Variants in PARD3 observed in about 807,000 individuals in gnomAD.
PARD3 encodes the protein par-3 family cell polarity regulator.
Under a neutral mutation model 155.4 loss-of-function variants are expected in PARD3, and 75 were observed. That is an observed-to-expected ratio of 0.48 (90% CI 0.40 to 0.58). The LOEUF is 0.58. PARD3 is among the 20% of genes least tolerant of loss of function. The pLI is 0.00. For missense variants in PARD3, 1,642 were observed against 1,721.7 expected (o/e 0.95, Z 0.82); for synonymous variants, 576 against 610.5 (o/e 0.94, Z 0.83).
intron 2 of PARD3, among the ~76,000 whole-genome samples, chr10:34,652,369 A>G (rs985799408): frequency 3.9e-5 from 6 of 152,178 alleles, no homozygotes; most frequent in Non-Finnish European, 1.5e-5. Context: ...GCTTTCACAT[A>G]TGGGTGTGAT....
At chr10:34,708,925 T>C (rs1009887768) in intron 1 of PARD3, among the ~76,000 whole-genome samples, 6 of 152,184 alleles carry the variant, frequency 3.9e-5, no homozygotes, top group African/African-American at 1.4e-4. Context: ...GCTTTGTGGA[T>C]ATTTAAGGAA....
intron 19 of PARD3, among the ~76,000 whole-genome samples, chr10:34,318,791 A>T (rs1023711657): frequency 1.4e-4 from 21 of 152,168 alleles, no homozygotes; most frequent in African/African-American, 5.1e-4. Context: ...TTTGAGGCTG[A>T]GTCTCGCTCT....
At chr10:34,580,576 A>G (rs2087350346) in intron 2 of PARD3, among the ~76,000 whole-genome samples, 1 of 152,146 alleles carries the variant, frequency 6.6e-6, no homozygotes, top group Non-Finnish European at 1.5e-5. Context: ...ATTGAATCCC[A>G]AAAAGCATTT....
At chr10:34,665,515 C>T (rs1183296887) in intron 2 of PARD3, among the ~76,000 whole-genome samples, 1 of 149,940 alleles carries the variant, frequency 6.7e-6, no homozygotes, top group Non-Finnish European at 1.5e-5. Flanking sequence ...AGCAAAACTA[C>T]ATCACAAAAA....
chr10:34,679,222 C>T lies in PARD3; in HGVS notation c.222+17096G>A, dbSNP rs550418269. On this transcript the variant is annotated intron_variant, in intron 2 of 24. Coordinates refer to ENST00000374788, the MANE Select transcript of PARD3 (RefSeq NM_001184785.2). Reference sequence around the variant, plus strand: ...ACCACCTAAGTAACCCCTCAATGGACGGCACAGACGGCATCCGGCAGTGTG... The same window carrying T: ...ACCACCTAAGTAACCCCTCAATGGATGGCACAGACGGCATCCGGCAGTGTG... 3.9e-5 allele frequency among the ~76,000 whole-genome samples: 6 copies of T among 152,242 alleles called. No homozygotes were observed. The East Asian group carries it at 7.7e-4, about 20-fold the overall frequency.
intron 22 of PARD3, among the ~76,000 whole-genome samples, chr10:34,172,844 T>C (rs896534184): frequency 6.6e-6 from 1 of 151,658 alleles, no homozygotes; most frequent in Admixed American, 6.6e-5. Context: ...TGCTGTGAAA[T>C]TTACATAACA....
chr10:34,631,814 T>A (rs2092283328), intron 2 of PARD3, among the ~76,000 whole-genome samples: 1 of 152,182 alleles, frequency 6.6e-6, no homozygotes, highest in Non-Finnish European at 1.5e-5. Context: ...CCCAAGCTGG[T>A]CTCAAACTCC....
chr10:34,353,836 T>C (rs1838478792), intron 14 of PARD3, among the ~76,000 whole-genome samples: 1 of 151,862 alleles, frequency 6.6e-6, no homozygotes, highest in South Asian at 2.1e-4. Context: ...ATTCCAAAAC[T>C]GAAACGATGG....
chr10:34,572,330 G>GA (rs2086480841), intron 2 of PARD3, among the ~76,000 whole-genome samples: 1 of 151,934 alleles, frequency 6.6e-6, no homozygotes, highest in Admixed American at 6.6e-5. Context: ...AACACAGTGA[G>GA]ACCCTGTCTC....
intron 21 of PARD3, among the ~76,000 whole-genome samples, chr10:34,282,371 C>T (rs1168816695): frequency 6.6e-6 from 1 of 152,106 alleles, no homozygotes; most frequent in Non-Finnish European, 1.5e-5. Flanking sequence ...AGTATTGCAT[C>T]ATTAGAGGTA....
Position 34,125,460 on chromosome 10 carries a change from C to A in PARD3, c.3541-5720G>T, listed in dbSNP as rs547367547. 3.9e-5 allele frequency among the ~76,000 whole-genome samples: 6 copies of A among 152,214 alleles called. No individual in the cohort carries two copies. The East Asian group carries it at 1.2e-3, about 29-fold the overall frequency. ...TCAACTAAGGCAGCATTTTTTGAGT[C>A]AAGGCATGGAGGCCGCTAGGAGAAA... is the stretch of plus-strand genomic sequence containing the variant. On this transcript the variant is annotated intron_variant, in intron 23 of 24. Transcript: ENST00000374788.
At chr10:34,363,006 G>A (rs1839605193) in intron 12 of PARD3, among the ~76,000 whole-genome samples, 1 of 152,124 alleles carries the variant, frequency 6.6e-6, no homozygotes. Context: ...AGCTACATTT[G>A]AAAAAATGGA....
intron 5 of PARD3, among the ~76,000 whole-genome samples, chr10:34,429,922 T>C (rs951787831): frequency 2.6e-5 from 4 of 152,132 alleles, no homozygotes; most frequent in Admixed American, 2.0e-4. Flanking sequence ...TAGAGATGGA[T>C]TCTCATTATG....
At chr10:34,766,981 G>C (rs1838182012) in intron 1 of PARD3, among the ~76,000 whole-genome samples, 1 of 152,150 alleles carries the variant, frequency 6.6e-6, no homozygotes, top group Non-Finnish European at 1.5e-5. Context: ...CCAGGGAGAA[G>C]AGGTCCCACA....
intron 2 of PARD3, among the ~76,000 whole-genome samples, chr10:34,664,272 G>A (rs1045512503): frequency 4.6e-5 from 7 of 151,110 alleles, no homozygotes; most frequent in Admixed American, 2.0e-4. Flanking sequence ...GCGTGATCTC[G>A]GCTCACTGCA....
At chr10:34,564,013 A>G (rs2085723730) in intron 2 of PARD3, among the ~76,000 whole-genome samples, 2 of 152,214 alleles carry the variant, frequency 1.3e-5, no homozygotes, top group African/African-American at 4.8e-5. Context: ...CCTGACACTT[A>G]ATGCAAATAA....
chr10:34,317,909 G>C (rs905232710), intron 19 of PARD3, among the ~76,000 whole-genome samples: 1 of 152,170 alleles, frequency 6.6e-6, no homozygotes, highest in Non-Finnish European at 1.5e-5. Context: ...GATCTGCACA[G>C]CCTCTGTAAC....
At chr10:34,802,684 T>C (rs1842931466) in intron 1 of PARD3, among the ~76,000 whole-genome samples, 1 of 152,208 alleles carries the variant, frequency 6.6e-6, no homozygotes, top group Non-Finnish European at 1.5e-5. Flanking sequence ...GAGGTTTCCT[T>C]GGTGACTTTT....
chr10:34,530,154 G>A, intron 2 of PARD3, among the ~76,000 whole-genome samples: 1 of 152,194 alleles, frequency 6.6e-6, no homozygotes, highest in Non-Finnish European at 1.5e-5. Context: ...GGCAGAGGCA[G>A]AAGAAGTGGA....
Sources: allele counts gnomAD v4.1 joint callset (sites outside exome capture counted in the v4.1 genomes callset), GRCh38; gene constraint gnomAD v4.1.1; transcripts MANE v1.5; gene names NCBI Gene and HGNC (gene_info 2026-07-23, HGNC 2026-07-21).